Variants in ACTR3C observed in about 807,000 individuals in gnomAD.
ACTR3C encodes actin related protein 3C, also known as actin-related protein 3C.
ACTR3C carries 18 observed loss-of-function variants against 26.3 expected under a neutral mutation model. That is an observed-to-expected ratio of 0.68 (90% CI 0.47 to 1.01). ACTR3C has a LOEUF of 1.01. Among genes scored for constraint, ACTR3C ranks in the 50% least tolerant of loss-of-function variants. The probability of loss-of-function intolerance (pLI) is 0.00; values close to 1 mark genes in which losing one functional copy is unlikely to be tolerated. For missense variants in ACTR3C, 184 were observed against 250.7 expected, an observed-to-expected ratio of 0.73 and a Z score of 1.80; for synonymous variants, 55 against 94.5, an observed-to-expected ratio of 0.58 and a Z score of 2.42.
At chr7:150,033,757 G>C in the ACTR3C span, among the ~76,000 whole-genome samples, 1 of 151,482 alleles carries the variant, frequency 6.6e-6, no homozygotes, top group Non-Finnish European at 1.5e-5. Context: ...ACCCTCGTGG[G>C]GGGTGCTTCC....
the ACTR3C span, among the ~76,000 whole-genome samples, chr7:150,038,380 T>C: frequency 7.0e-6 from 1 of 142,684 alleles, no homozygotes; most frequent in Non-Finnish European, 1.5e-5. Flanking sequence ...AAAGGCTTTG[T>C]CAGGTCGGGT....
chr7:150,011,204 G>C, the ACTR3C span, among the ~76,000 whole-genome samples: 35 of 152,274 alleles, frequency 2.3e-4, no homozygotes, highest in African/African-American at 8.4e-4. Context: ...AATAATCATA[G>C]AGAATTTATG....
the ACTR3C span, among the ~76,000 whole-genome samples, chr7:150,230,504 A>G: frequency 6.6e-6 from 1 of 152,078 alleles, no homozygotes; most frequent in Non-Finnish European, 1.5e-5. Flanking sequence ...TGGGTGAGTG[A>G]GCATTACCGC....
the ACTR3C span, among the ~76,000 whole-genome samples, chr7:150,095,647 T>C: frequency 6.7e-6 from 1 of 149,570 alleles, no homozygotes; most frequent in Admixed American, 6.6e-5. Context: ...TCAGGTCTGA[T>C]TGTACCCTCA....
At chr7:150,017,613 C>T in the ACTR3C span, among the ~76,000 whole-genome samples, 5 of 149,906 alleles carry the variant, frequency 3.3e-5, no homozygotes, top group African/African-American at 1.3e-4. Context: ...CAGTCTTCCA[C>T]GGTCACCTGT....
chr7:150,320,661 G>C, intron 1 of ACTR3C, among the ~76,000 whole-genome samples: 1 of 152,202 alleles, frequency 6.6e-6, no homozygotes, highest in East Asian at 1.9e-4. Context: ...TACTTCGAAG[G>C]CTGAAGCAGG....
chr7:150,262,445 T>A (rs1418429609), intron 6 of ACTR3C, among the ~76,000 whole-genome samples: 1 of 152,306 alleles, frequency 6.6e-6, no homozygotes, highest in Admixed American at 6.5e-5. Context: ...CTTTTCTGGG[T>A]GGGAAGAAGT....
the ACTR3C span, among the ~76,000 whole-genome samples, chr7:149,960,102 T>C: frequency 6.6e-6 from 1 of 151,926 alleles, no homozygotes; most frequent in Admixed American, 6.6e-5. Context: ...AAATTATCAA[T>C]CTGACATAAG....
At chr7:150,197,387 T>C in the ACTR3C span, among the ~76,000 whole-genome samples, 2 of 152,350 alleles carry the variant, frequency 1.3e-5, no homozygotes, top group South Asian at 4.1e-4. Flanking sequence ...CTGAATCAAC[T>C]AAGCAAGTGT....
the ACTR3C span, among the ~76,000 whole-genome samples, chr7:149,972,258 C>A: frequency 6.6e-6 from 1 of 152,244 alleles, no homozygotes; most frequent in South Asian, 2.1e-4. Flanking sequence ...TGCCATCATA[C>A]TTCTTTCTTC....
the ACTR3C span, among the ~76,000 whole-genome samples, chr7:149,989,942 G>C: frequency 6.6e-6 from 1 of 152,060 alleles, no homozygotes; most frequent in African/African-American, 2.4e-5. Flanking sequence ...GCCAACACTT[G>C]TTATGGTCCA....
the ACTR3C span, among the ~76,000 whole-genome samples, chr7:150,025,840 G>A: frequency 6.6e-6 from 1 of 151,782 alleles, no homozygotes; most frequent in Non-Finnish European, 1.5e-5. Context: ...GATGCAGACT[G>A]AGCTACTATG....
the ACTR3C span, among the ~76,000 whole-genome samples, chr7:150,216,070 T>C: frequency 1.3e-5 from 2 of 151,046 alleles, no homozygotes; most frequent in Non-Finnish European, 1.5e-5. Context: ...GCTAGTCACA[T>C]ACAAGTCACC....
chr7:149,944,088 A>G, the ACTR3C span, among the ~76,000 whole-genome samples: 1 of 137,308 alleles, frequency 7.3e-6, no homozygotes, highest in Non-Finnish European at 1.5e-5. Flanking sequence ...TGGAAAGCCG[A>G]TTCAGCCAGT....
the ACTR3C span, among the ~76,000 whole-genome samples, chr7:150,036,589 T>C: frequency 6.9e-6 from 1 of 144,418 alleles, no homozygotes; most frequent in Admixed American, 6.8e-5. Context: ...AAGGCTTGGC[T>C]AATACTGCAA....
At chr7:150,118,377 G>T in the ACTR3C span, among the ~76,000 whole-genome samples, 1 of 152,010 alleles carries the variant, frequency 6.6e-6, no homozygotes, top group East Asian at 1.9e-4. Flanking sequence ...AACCAGTTTA[G>T]AGAAGAACAT....
chr7:149,887,968 C>T, the ACTR3C span, among the ~76,000 whole-genome samples: 1 of 152,320 alleles, frequency 6.6e-6, no homozygotes, highest in South Asian at 2.1e-4. Context: ...ACCTCCTCAA[C>T]CTTGTGGAAC....
chr7:150,126,847 AGGGTTCATC>A, the ACTR3C span, among the ~76,000 whole-genome samples: 1 of 152,216 alleles, frequency 6.6e-6, no homozygotes, highest in South Asian at 2.1e-4. Flanking sequence ...AGGATGGCTA[AGGGTTCATC>A]GGGTAAAACT....
the ACTR3C span, among the ~76,000 whole-genome samples, chr7:150,082,947 C>CTTTTTTTTTTTTCT: frequency 1.8e-5 from 2 of 108,550 alleles, no homozygotes; most frequent in South Asian, 3.0e-4. Context: ...TTTTTTTTTT[C>CTTTTTTTTTTTTCT]TTTTTTTTTT....
Sources: allele counts gnomAD v4.1 joint callset (sites outside exome capture counted in the v4.1 genomes callset), GRCh38; gene constraint gnomAD v4.1.1; transcripts MANE v1.5; gene names NCBI Gene and HGNC (gene_info 2026-07-23, HGNC 2026-07-21).